RALGAPB: variants seen among roughly 807,000 people sequenced by gnomAD.
RALGAPB encodes Ral GTPase activating protein non-catalytic subunit beta, also known as ral GTPase-activating protein subunit beta.
Under a neutral mutation model 161.1 loss-of-function variants are expected in RALGAPB, and 25 were observed. The ratio of observed to expected loss-of-function variants is 0.16; its 90% CI spans 0.11 to 0.22. RALGAPB has a LOEUF of 0.22. Ranked by LOEUF, RALGAPB falls within the 10% of genes least tolerant of loss-of-function variation. The pLI, the probability that RALGAPB is intolerant of heterozygous loss-of-function variation, is 1.00. For missense variants in RALGAPB, 1,391 were observed against 1,815.2 expected (o/e 0.77, Z 4.25); for synonymous variants, 629 against 626.1 (o/e 1.00, Z -0.07).
In RALGAPB at chr20:38,549,547, A is replaced by ATATAT. The variant is rs1339712516; in HGVS notation, c.3009+752_3009+753insTATAT. On this transcript the variant is annotated intron_variant, in intron 20 of 29. Coordinates refer to ENST00000262879, the MANE Select transcript of RALGAPB (RefSeq NM_020336.4). The stretch of plus-strand genomic sequence containing the variant: ...CCCAGCCTAATTAAAAAAAAAAAAA[A>ATATAT]AAATATATATATATATACACACACA... Among the ~76,000 whole-genome samples the ATATAT allele has an allele frequency of 3.7e-4, 48 of 128,208 alleles. No homozygotes were observed. The Middle Eastern group carries it at 0.011, about 30-fold the overall frequency. The allele number at this position is 128,208 out of a possible 152,430, so 84.1% of individuals were successfully genotyped here.
chr20:38,515,325 A>T (rs558456984), intron 6 of RALGAPB, among the ~76,000 whole-genome samples: 1 of 152,356 alleles, frequency 6.6e-6, no homozygotes, highest in South Asian at 2.1e-4. Flanking sequence ...AAGGCAGAGC[A>T]TGTATAGATC....
chr20:38,540,009 G>A (rs2086920255), intron 17 of RALGAPB, 51 bp downstream of exon 17: 1 of 1,503,560 alleles, frequency 6.7e-7, no homozygotes, highest in Admixed American at 1.9e-5. Context: ...ATGTATGCTA[G>A]CAAAATGCCT....
At chr20:38,558,614 G>A (rs1276668063) in intron 23 of RALGAPB, among the ~76,000 whole-genome samples, 161 bp downstream of exon 23, 2 of 152,128 alleles carry the variant, frequency 1.3e-5, no homozygotes, top group African/African-American at 2.4e-5. Flanking sequence ...ACAAAGGAGA[G>A]GCTCAAGTTT....
intron 6 of RALGAPB, among the ~76,000 whole-genome samples, chr20:38,511,941 G>A (rs1319372451): frequency 6.6e-6 from 1 of 152,082 alleles, no homozygotes; most frequent in African/African-American, 2.4e-5. Context: ...CAGACAGGGC[G>A]GCGGCCGGGC....
chr20:38,574,383 A>T (rs2088356389), intron 29 of RALGAPB, 85 bp downstream of exon 29: 3 of 1,409,766 alleles, frequency 2.1e-6, no homozygotes, highest in East Asian at 4.7e-5. Context: ...AAATAAGGAA[A>T]TGGTGATAAT....
chr20:38,497,778 C>T (rs2085469421), intron 4 of RALGAPB, among the ~76,000 whole-genome samples: 1 of 152,100 alleles, frequency 6.6e-6, no homozygotes, highest in South Asian at 2.1e-4. Flanking sequence ...GGAGCAGTAG[C>T]TTGTTTAATA....
intron 2 of RALGAPB, 72 bp from the exon 3 acceptor site, chr20:38,492,858 A>AT: frequency 1.6e-6 from 2 of 1,267,814 alleles, no homozygotes; most frequent in Non-Finnish European, 2.2e-6. Flanking sequence ...AATAAAAGAG[A>AT]TTGACATTTT....
chr20:38,499,346 C>T, intron 4 of RALGAPB, 101 bp from the exon 5 acceptor site: 2 of 1,054,314 alleles, frequency 1.9e-6, no homozygotes, highest in South Asian at 1.7e-5. Context: ...CTTAATATTG[C>T]ACTTATTTTA....
rs372341730 is a variant in RALGAPB, at chr20:38,487,690, A to G, written c.-30-713A>G. On this transcript the variant is annotated intron_variant, in intron 1 of 29. Transcript: ENST00000262879. ...TACAAGTTAAGTGAAAAATTATGCA[A>G]TTATCTTGCAGGAAAATCTAGGAGA... is the stretch of plus-strand genomic sequence containing the variant. Among the ~76,000 whole-genome samples, 14 of 152,326 alleles carry G rather than the reference A, an allele frequency of 9.2e-5. No individual in the cohort carries two copies. The East Asian group carries it at 1.7e-3, about 19-fold the overall frequency.
chr20:38,542,006 G>A (rs1468843348), intron 18 of RALGAPB, among the ~76,000 whole-genome samples: 1 of 152,170 alleles, frequency 6.6e-6, no homozygotes, highest in Non-Finnish European at 1.5e-5. Context: ...AGCAGAGAAA[G>A]TTGAGAGAGT....
intron 22 of RALGAPB, among the ~76,000 whole-genome samples, chr20:38,556,304 G>C (rs1360153085): frequency 6.6e-6 from 1 of 152,022 alleles, no homozygotes; most frequent in Non-Finnish European, 1.5e-5. Flanking sequence ...GCAAAATAAA[G>C]ACATGAGGAC....
At chr20:38,538,871 A>G (rs1230728151) in intron 16 of RALGAPB, among the ~76,000 whole-genome samples, 1 of 152,234 alleles carries the variant, frequency 6.6e-6, no homozygotes, top group African/African-American at 2.4e-5. Context: ...GCATACACCT[A>G]CATATGACCC....
At chr20:38,557,815 G>T (rs2087640298) in intron 22 of RALGAPB, among the ~76,000 whole-genome samples, 1 of 152,150 alleles carries the variant, frequency 6.6e-6, no homozygotes, top group Admixed American at 6.5e-5. Flanking sequence ...TCCACGTTTT[G>T]GTTATTATGA....
At chr20:38,554,097 TG>T in intron 22 of RALGAPB, 21 bp downstream of exon 22, 1 of 1,534,946 alleles carries the variant, frequency 6.5e-7, no homozygotes, top group Non-Finnish European at 9.0e-7. Context: ...TGAACTTTTA[TG>T]AATAAATATA....
At chr20:38,564,289 C>A (rs1027780544) in intron 24 of RALGAPB, among the ~76,000 whole-genome samples, 1 of 152,172 alleles carries the variant, frequency 6.6e-6, no homozygotes, top group African/African-American at 2.4e-5. Context: ...TTGTCTATGA[C>A]AGCTTTCATG....
intron 5 of RALGAPB, among the ~76,000 whole-genome samples, chr20:38,503,887 A>G (rs2085670958): frequency 6.6e-6 from 1 of 152,194 alleles, no homozygotes; most frequent in South Asian, 2.1e-4. Context: ...TGCAGCCATC[A>G]ATGAGGCAAT....
chr20:38,555,166 CTT>C (rs2087533209), intron 22 of RALGAPB, among the ~76,000 whole-genome samples: 1 of 152,156 alleles, frequency 6.6e-6, no homozygotes, highest in Non-Finnish European at 1.5e-5. Context: ...TGTGAAATAA[CTT>C]GTCTGGAGGT....
Position 38,524,660 on chromosome 20 carries a change from T to C in RALGAPB, c.1620-118T>C, listed in dbSNP as rs1016715728. 6.5e-6 allele frequency: 5 copies of C among 769,798 alleles called. No homozygotes were observed. The African/African-American group carries it at 7.0e-5, about 11-fold the overall frequency. 47.7% of individuals were successfully genotyped at this position (769,798 alleles called of 1,614,324 possible). ...CCAGTAATTCCAATAATGTCCTTTCTTTAAAGGGTAAAAATAGTGATGAGT... is the reference window on the plus strand; with the variant it reads ...CCAGTAATTCCAATAATGTCCTTTCCTTAAAGGGTAAAAATAGTGATGAGT... On this transcript the variant is annotated intron_variant, in intron 10 of 29. Coordinates refer to ENST00000262879, the MANE Select transcript of RALGAPB (RefSeq NM_020336.4).
chr20:38,502,609 ACAGT>A (rs1344843062), intron 5 of RALGAPB, among the ~76,000 whole-genome samples: 2 of 152,168 alleles, frequency 1.3e-5, no homozygotes, highest in Admixed American at 1.3e-4. Flanking sequence ...TTTGTTTGAG[ACAGT>A]CTCACTTTTT....
Sources: allele counts gnomAD v4.1 joint callset (sites outside exome capture counted in the v4.1 genomes callset), GRCh38; gene constraint gnomAD v4.1.1; transcripts MANE v1.5; gene names NCBI Gene and HGNC (gene_info 2026-07-23, HGNC 2026-07-21).